The following AQR variants were observed in gnomAD, a reference collection of about 807,000 sequenced individuals.
AQR encodes the protein RNA helicase aquarius.
AQR carries 61 observed loss-of-function variants against 180.5 expected under a neutral mutation model. The observed-to-expected ratio is 0.34, with a 90% CI of 0.28 to 0.42. AQR has a LOEUF of 0.42. AQR is among the 10% of genes least tolerant of loss of function. The probability of loss-of-function intolerance (pLI) is 1.00; values close to 1 mark genes in which losing one functional copy is unlikely to be tolerated. For synonymous variants in AQR, 551 were observed against 588.8 expected (o/e 0.94, Z 0.93); for missense variants, 1,281 against 1,798.3 (o/e 0.71, Z 5.20).
chr15:34,869,706 C>T (rs1170655940), intron 31 of AQR: 2 of 152,152 alleles, frequency 1.3e-5, no homozygotes, highest in East Asian at 3.9e-4. Context: ...TGTGCAGTGT[C>T]TATTCTTCCC....
intron 27 of AQR, among the ~76,000 whole-genome samples, chr15:34,879,328 T>C (rs970968123): frequency 6.6e-6 from 1 of 152,198 alleles, no homozygotes; most frequent in African/African-American, 2.4e-5. Context: ...TATAGCCAAC[T>C]AGAGTGAGCG....
At chr15:34,900,429 T>C (rs1268466136) in intron 20 of AQR, among the ~76,000 whole-genome samples, 193 bp downstream of exon 20, 2 of 152,204 alleles carry the variant, frequency 1.3e-5, no homozygotes, top group African/African-American at 4.8e-5. Context: ...ACTGTGGTCT[T>C]AAAACAACTT....
At chr15:34,921,902 C>T (rs1166225431) in intron 13 of AQR, among the ~76,000 whole-genome samples, 1 of 152,132 alleles carries the variant, frequency 6.6e-6, no homozygotes, top group Non-Finnish European at 1.5e-5. Flanking sequence ...CCTCCACCTC[C>T]CGGGCTTAAG....
chr15:34,943,071 C>T (rs1894050620), intron 6 of AQR: 1 of 1,610,628 alleles, frequency 6.2e-7, no homozygotes. Context: ...CGATAACGCT[C>T]ACGCAAGCAT....
chr15:34,900,610 T>A lies in AQR; in HGVS notation c.2243+12A>T. On this transcript the variant is annotated intron_variant, in intron 20 of 34. Coordinates refer to ENST00000156471, the MANE Select transcript of AQR (RefSeq NM_014691.3). ...GAATGCTGGAGAGGAGCGTACCCAG[T>A]TCTGACTTTACCTGAAAGGGGGTAT... 1 of 1,612,128 alleles carries A rather than the reference T, an allele frequency of 6.2e-7. No homozygotes were observed. Among genetic ancestry groups the A allele is most frequent in the South Asian group, 1.1e-5 (1 of 90,758 alleles).
At chr15:34,886,295 T>TAGC (rs146059878) in intron 25 of AQR, among the ~76,000 whole-genome samples, 1 of 152,232 alleles carries the variant, frequency 6.6e-6, no homozygotes, top group Non-Finnish European at 1.5e-5. Flanking sequence ...ATGTAAAAAG[T>TAGC]AGCAACATTG....
chr15:34,909,096 T>C (rs1323497929), intron 17 of AQR, among the ~76,000 whole-genome samples: 1 of 152,214 alleles, frequency 6.6e-6, no homozygotes, highest in Non-Finnish European at 1.5e-5. Flanking sequence ...TTGGCTAGCT[T>C]TGTTGCTGGA....
Position 34,852,558 on chromosome 15 carries a change from C to G in AQR, c.*4234G>C, listed in dbSNP as rs74009741. ...AAACTGTGTTCTAAGGAAATAGCTA[C>G]CTATCTTATTAAAAAAAAACAAAAA... On this transcript the variant is annotated 3_prime_UTR_variant, in exon 35 of 35. Transcript: ENST00000156471. 1 of 137,518 alleles carries G rather than the reference C, an allele frequency of 7.3e-6. No individual in the cohort carries two copies. Among genetic ancestry groups the G allele is most frequent in the African/African-American group, 2.5e-5 (1 of 40,676 alleles). 8.5% of individuals were successfully genotyped at this position (137,518 alleles called of 1,614,324 possible).
intron 14 of AQR, among the ~76,000 whole-genome samples, chr15:34,918,919 A>C (rs1252845819): frequency 6.6e-6 from 1 of 152,164 alleles, no homozygotes; most frequent in Non-Finnish European, 1.5e-5. Flanking sequence ...TGTACCCTTA[A>C]TATTAATAAT....
chr15:34,917,444 GAA>G (rs1893612129), intron 15 of AQR, among the ~76,000 whole-genome samples: 2 of 152,264 alleles, frequency 1.3e-5, no homozygotes, highest in South Asian at 2.1e-4. Context: ...GAGGATGCGT[GAA>G]AAGTGTTTAG....
chr15:34,956,304 C>T (rs749331040), intron 3 of AQR, among the ~76,000 whole-genome samples: 6 of 151,604 alleles, frequency 4.0e-5, no homozygotes, highest in East Asian at 1.9e-4. Flanking sequence ...AACATCATAC[C>T]GGAGTGTACT....
At chr15:34,893,535 G>T in intron 23 of AQR, 128 bp downstream of exon 23, 1 of 689,354 alleles carries the variant, frequency 1.5e-6, no homozygotes. Context: ...TTCTTGAAGA[G>T]GAACTTATTG....
Position 34,867,916 on chromosome 15 carries a change from G to T in AQR, c.3769-307C>A, listed in dbSNP as rs1454256173. ...GATTGCAAAACTTCATGAAAGCAGA[G>T]ACTATGTCTAGCTTATTAACTGGTA... On this transcript the variant is annotated intron_variant, in intron 31 of 34. Coordinates refer to ENST00000156471, the MANE Select transcript of AQR (RefSeq NM_014691.3). 3 of 239,312 alleles carry T rather than the reference G, an allele frequency of 1.3e-5. No homozygotes were observed. The Admixed American group carries it at 1.7e-4, about 13-fold the overall frequency. The allele number at this position is 239,312 out of a possible 1,614,324, so 14.8% of individuals were successfully genotyped here.
At chr15:34,958,002 A>G (rs1227289479) in intron 3 of AQR, among the ~76,000 whole-genome samples, 1 of 150,964 alleles carries the variant, frequency 6.6e-6, no homozygotes, top group Non-Finnish European at 1.5e-5. Flanking sequence ...AGGTCGGGAG[A>G]TCGAGACCAT....
chr15:34,913,574 A>T (rs532824716), intron 16 of AQR, among the ~76,000 whole-genome samples: 47 of 152,338 alleles, frequency 3.1e-4, no homozygotes, highest in African/African-American at 9.1e-4. Flanking sequence ...TGGTATAATT[A>T]AAAAAAATTT....
At chr15:34,936,037 T>C (rs1893938706) in intron 9 of AQR, among the ~76,000 whole-genome samples, 1 of 152,162 alleles carries the variant, frequency 6.6e-6, no homozygotes, top group Admixed American at 6.5e-5. Flanking sequence ...GTGACTAAAG[T>C]TGCATGTTTT....
At chr15:34,906,494 G>T (rs756619056) in intron 18 of AQR, 51 bp downstream of exon 18, 4 of 1,563,948 alleles carry the variant, frequency 2.6e-6, no homozygotes, top group African/African-American at 2.8e-5. Context: ...AAAAGGCAAA[G>T]AAATTTATCA....
At chr15:34,903,874 CTAA>C (rs34130484) in intron 19 of AQR, among the ~76,000 whole-genome samples, 108,440 of 151,620 alleles carry the variant, frequency 0.72, 40,781 homozygotes, top group Non-Finnish European at 0.84. Context: ...CCCTTTCCTA[CTAA>C]TGAGTAAAAA....
intron 15 of AQR, among the ~76,000 whole-genome samples, chr15:34,917,945 T>C (rs1893621664): frequency 6.6e-6 from 1 of 152,066 alleles, no homozygotes; most frequent in East Asian, 1.9e-4. Flanking sequence ...ACTGCACCAC[T>C]GCGCTCCAGC....
Sources: gnomAD v4.1 joint callset for allele counts (sites outside exome capture counted in the v4.1 genomes callset) on GRCh38, gnomAD v4.1.1 for gene constraint, MANE v1.5 for transcripts, NCBI Gene and HGNC (gene_info 2026-07-23, HGNC 2026-07-21) for gene names.